CACNB4: variants seen among roughly 807,000 people sequenced by gnomAD.
CACNB4 encodes the protein voltage-dependent L-type calcium channel subunit beta-4.
A neutral mutation model predicts 71.2 loss-of-function variants in CACNB4; 32 were observed. That is an observed-to-expected ratio of 0.45 (90% CI 0.34 to 0.60). The LOEUF is 0.60. CACNB4 is among the 20% of genes least tolerant of loss of function. The pLI is 0.01. For synonymous variants in CACNB4, 231 were observed against 236.9 expected (o/e 0.97, Z 0.23); for missense variants, 464 against 647.9 (o/e 0.72, Z 3.08).
Position 152,098,590 on chromosome 2 carries a change from A to C in CACNB4, c.64-177T>G. On this transcript the variant is annotated intron_variant, in intron 1 of 13. Coordinates refer to ENST00000539935, the MANE Select transcript of CACNB4 (RefSeq NM_000726.5). This position sits in a 1 kb window ranked among gnomAD's most constrained non-coding sequence, Gnocchi z 5.3. ...CCCCCACCCCCACCCACCCACTGCA[A>C]GCCTCGACTGCTGAAAAGATGCTCG... 1 of 1,216,354 alleles carries C rather than the reference A, an allele frequency of 8.2e-7. No individual in the cohort carries two copies. The highest frequency in any genetic ancestry group is 1.2e-6 in the Non-Finnish European group (1 of 841,080). 75.3% of individuals were successfully genotyped at this position (1,216,354 alleles called of 1,614,324 possible).
intron 2 of CACNB4, among the ~76,000 whole-genome samples, chr2:151,940,107 T>C (rs1036128550): frequency 6.6e-6 from 1 of 152,208 alleles, no homozygotes; most frequent in Non-Finnish European, 1.5e-5. Context: ...AACATAAATA[T>C]ATGTGCACAA....
chr2:152,098,273 C>T lies in CACNB4; in HGVS notation c.147+57G>A. ...TGTGGGCCACGGCCGGCTCCAGGAC[C>T]CCCGCGCCGCGCGCTCGGCCTCCTC... On this transcript the variant is annotated intron_variant, in intron 2 of 13. Coordinates refer to ENST00000539935, the MANE Select transcript of CACNB4 (RefSeq NM_000726.5). The surrounding 1 kb of genome is among the most constrained non-coding windows in gnomAD (Gnocchi z 5.3). 7.1e-7 allele frequency: 1 copy of T among 1,415,108 alleles called. No individual in the cohort carries two copies. The highest frequency in any genetic ancestry group is 1.0e-6 in the Non-Finnish European group (1 of 1,000,500). The allele number at this position is 1,415,108 out of a possible 1,614,324, so 87.7% of individuals were successfully genotyped here.
intron 2 of CACNB4, among the ~76,000 whole-genome samples, chr2:152,009,525 G>C (rs1212249524): frequency 6.6e-6 from 1 of 152,136 alleles, no homozygotes; most frequent in Non-Finnish European, 1.5e-5. Context: ...TCGGTGCAGG[G>C]TATAGAGGAA....
Position 152,035,651 on chromosome 2 carries a change from C to CTCTCTCTATATATATA in CACNB4, c.147+62678_147+62679insTATATATATAGAGAGA, listed in dbSNP as rs796161186. Reference sequence around the variant, plus strand: ...TCTCCCTCTCTCTCTCTCTCTCTCTCTATATATATATATATATGTATGTAT... The same window carrying CTCTCTCTATATATATA: ...TCTCCCTCTCTCTCTCTCTCTCTCTCTCTCTCTATATATATATATATATATATATATATGTATGTAT... On this transcript the variant is annotated intron_variant, in intron 2 of 13. Coordinates refer to ENST00000539935, the MANE Select transcript of CACNB4 (RefSeq NM_000726.5). Among the ~76,000 whole-genome samples, 105 of 118,068 alleles carry CTCTCTCTATATATATA rather than the reference C, an allele frequency of 8.9e-4. 2 individuals carry two copies. Among genetic ancestry groups the CTCTCTCTATATATATA allele is most frequent in the African/African-American group, 3.7e-3 (101 of 27,590 alleles). The allele number at this position is 118,068 out of a possible 152,430, so 77.5% of individuals were successfully genotyped here.
At chr2:151,947,763 C>T (rs2099865954) in intron 2 of CACNB4, among the ~76,000 whole-genome samples, 1 of 152,182 alleles carries the variant, frequency 6.6e-6, no homozygotes, top group Admixed American at 6.5e-5. Context: ...CAGGCACCTG[C>T]CCCGGAGCCC....
intron 2 of CACNB4, among the ~76,000 whole-genome samples, chr2:152,096,297 C>T (rs1560197991): frequency 6.6e-6 from 1 of 151,530 alleles, no homozygotes; most frequent in Non-Finnish European, 1.5e-5. Flanking sequence ...TCCTGGCTAA[C>T]ACGGTGAAAC....
intron 2 of CACNB4, among the ~76,000 whole-genome samples, chr2:152,085,828 AC>A (rs1687633160): frequency 6.6e-6 from 1 of 151,532 alleles, no homozygotes; most frequent in East Asian, 1.9e-4. Flanking sequence ...AAAAAAAAAA[AC>A]AAACAAACAA....
chr2:151,894,142 CAG>C (rs891021768), intron 2 of CACNB4, among the ~76,000 whole-genome samples: 2 of 152,144 alleles, frequency 1.3e-5, no homozygotes, highest in Non-Finnish European at 2.9e-5. Flanking sequence ...GCTTGGGCAA[CAG>C]ATCAAAACTC....
intron 2 of CACNB4, among the ~76,000 whole-genome samples, chr2:151,933,983 C>A (rs2099862299): frequency 6.6e-6 from 1 of 152,214 alleles, no homozygotes; most frequent in African/African-American, 2.4e-5. Context: ...CCTGACGACA[C>A]TCCTGTCCTA....
intron 2 of CACNB4, among the ~76,000 whole-genome samples, chr2:151,992,208 C>CCA: frequency 1.3e-5 from 2 of 152,314 alleles, no homozygotes; most frequent in Admixed American, 1.3e-4. Context: ...GCACTGTCCA[C>CCA]CACAGCTGCA....
In CACNB4 at chr2:151,838,073, G is replaced by C. The variant is rs2099835273; in HGVS notation, c.*1046C>G. The C allele has an allele frequency of 6.6e-6, 1 of 152,166 alleles. No individual in the cohort carries two copies. Among genetic ancestry groups the C allele is most frequent in the African/African-American group, 2.4e-5 (1 of 41,446 alleles). 9.4% of individuals were successfully genotyped at this position (152,166 alleles called of 1,614,324 possible). A position where few individuals can be genotyped will look rare whatever the true frequency, so the allele number is the denominator to read the frequency against. ...CAGAGACTGAGAGAAGCAATGGAAA[G>C]ATACTCAATCTTGTTGGCAGGAAAT... On this transcript the variant is annotated 3_prime_UTR_variant, in exon 14 of 14. Transcript: ENST00000539935.
intron 2 of CACNB4, chr2:151,966,937 G>C (rs1019098789): frequency 1.3e-5 from 2 of 151,834 alleles, no homozygotes; most frequent in African/African-American, 4.8e-5. Flanking sequence ...TGACAGGGAT[G>C]AGGAAACCAA....
intron 12 of CACNB4, among the ~76,000 whole-genome samples, chr2:151,844,057 C>A (rs986098239): frequency 6.6e-6 from 1 of 152,152 alleles, no homozygotes; most frequent in African/African-American, 2.4e-5. Context: ...TTCCCCCCAA[C>A]CAAGAACAGT....
chr2:151,969,746 T>C (rs2099872031), intron 2 of CACNB4: 1 of 152,198 alleles, frequency 6.6e-6, no homozygotes, highest in Admixed American at 6.5e-5. Flanking sequence ...CTTATAATAA[T>C]GTGTACGTAC....
rs370436786 is a variant in CACNB4, at chr2:152,023,262, C to A, written c.147+75068G>T. Among the ~76,000 whole-genome samples, 8 of 152,170 alleles carry A rather than the reference C, an allele frequency of 5.3e-5. No individual in the cohort carries two copies. In the East Asian group the frequency reaches 9.7e-4, roughly 18 times the overall value. ...TACTGCCCCCATGATCCAATCACCT[C>A]CCACCAGGCCCTGCCCTCAACACGT... On this transcript the variant is annotated intron_variant, in intron 2 of 13. Coordinates refer to ENST00000539935, the MANE Select transcript of CACNB4 (RefSeq NM_000726.5).
intron 2 of CACNB4, among the ~76,000 whole-genome samples, chr2:152,063,154 T>C (rs1393572011): frequency 6.6e-6 from 1 of 152,214 alleles, no homozygotes; most frequent in Non-Finnish European, 1.5e-5. Context: ...ATCAGTTAAC[T>C]GTTCAGTGAA....
chr2:152,070,061 T>A (rs917392686), intron 2 of CACNB4, among the ~76,000 whole-genome samples: 6 of 152,092 alleles, frequency 3.9e-5, no homozygotes, highest in African/African-American at 9.7e-5. Context: ...GCCAGGATGG[T>A]CTCGATCTCC....
intron 9 of CACNB4, chr2:151,868,035 T>G (rs2099843639): frequency 6.6e-6 from 1 of 152,254 alleles, no homozygotes; most frequent in Non-Finnish European, 1.5e-5. Context: ...AAAATCTGTT[T>G]ACTAACTTTC....
intron 2 of CACNB4, chr2:151,971,332 C>A: frequency 8.4e-6 from 5 of 597,736 alleles, no homozygotes; most frequent in South Asian, 6.1e-5. Context: ...TTAACCCCCA[C>A]ACACCCCACA....
Sources: gnomAD v4.1 joint callset for allele counts (sites outside exome capture counted in the v4.1 genomes callset) on GRCh38, gnomAD v4.1.1 for gene constraint, Gnocchi (gnomAD v3.1) non-coding constraint, MANE v1.5 for transcripts, NCBI Gene and HGNC (gene_info 2026-07-23, HGNC 2026-07-21) for gene names.